GRID2: variants seen among roughly 807,000 people sequenced by gnomAD.
GRID2 encodes glutamate ionotropic receptor delta type subunit 2, also known as glutamate receptor ionotropic, delta-2.
GRID2 carries 33 observed loss-of-function variants against 114.8 expected under a neutral mutation model. The ratio of observed to expected loss-of-function variants is 0.29; its 90% CI spans 0.22 to 0.38. The LOEUF (loss-of-function observed/expected upper bound fraction) is 0.38, where lower values mean the gene tolerates loss of function less well. Among genes scored for constraint, GRID2 ranks in the 10% least tolerant of loss-of-function variants. The pLI is 1.00. For synonymous variants in GRID2, 505 were observed against 449.9 expected (o/e 1.12, Z -1.55); for missense variants, 1,184 against 1,257.7 (o/e 0.94, Z 0.89).
intron 2 of GRID2, among the ~76,000 whole-genome samples, chr4:92,790,952 G>T (rs1739558813): frequency 6.6e-6 from 1 of 151,668 alleles, no homozygotes; most frequent in African/African-American, 2.4e-5. Context: ...GTTACCTTCG[G>T]CAAGTTTATT....
chr4:93,189,215 G>T (rs988606493), intron 4 of GRID2, among the ~76,000 whole-genome samples: 5 of 152,118 alleles, frequency 3.3e-5, no homozygotes, highest in Non-Finnish European at 7.3e-5. Flanking sequence ...AGATACTTTA[G>T]AATGGGTAAT....
intron 1 of GRID2, among the ~76,000 whole-genome samples, chr4:92,498,365 A>G (rs1723497271): frequency 6.6e-6 from 1 of 151,928 alleles, no homozygotes. Context: ...AACTTTGTGC[A>G]GTAAGAGCAT....
chr4:93,758,021 A>G (rs1362367003), intron 14 of GRID2, among the ~76,000 whole-genome samples: 1 of 152,206 alleles, frequency 6.6e-6, no homozygotes, highest in African/African-American at 2.4e-5. Flanking sequence ...CATGATGGAA[A>G]GAAGTTTGCA....
chr4:93,382,310 G>C (rs1763928658), intron 8 of GRID2, among the ~76,000 whole-genome samples: 1 of 151,858 alleles, frequency 6.6e-6, no homozygotes, highest in African/African-American at 2.4e-5. Context: ...GGCCATTATG[G>C]CTTCAAATAT....
chr4:93,420,533 G>A (rs1408927922), intron 9 of GRID2, among the ~76,000 whole-genome samples: 1 of 151,938 alleles, frequency 6.6e-6, no homozygotes, highest in East Asian at 1.9e-4. Flanking sequence ...TTAAAGGTTT[G>A]CTTGTTCACT....
At chr4:92,864,961 G>A (rs765772660) in intron 2 of GRID2, among the ~76,000 whole-genome samples, 8 of 151,992 alleles carry the variant, frequency 5.3e-5, no homozygotes, top group Non-Finnish European at 8.8e-5. Context: ...AGATTTTTTT[G>A]TTCTTGCTGT....
intron 2 of GRID2, among the ~76,000 whole-genome samples, chr4:92,865,624 G>A (rs6532382): frequency 0.38 from 57,858 of 152,002 alleles, 11,429 homozygotes; most frequent in Admixed American, 0.52. Flanking sequence ...TCTAGATGAA[G>A]TATGTTGTGA....
chr4:92,647,070 A>T (rs1438296320), intron 2 of GRID2, among the ~76,000 whole-genome samples: 2 of 152,332 alleles, frequency 1.3e-5, no homozygotes, highest in Admixed American at 1.3e-4. Flanking sequence ...TTAGAGTGGG[A>T]CTGAGAGGCA....
intron 2 of GRID2, among the ~76,000 whole-genome samples, chr4:92,636,397 G>T (rs1232802352): frequency 6.6e-6 from 1 of 151,934 alleles, no homozygotes; most frequent in Non-Finnish European, 1.5e-5. Context: ...AAAATTCTCA[G>T]ATATTTTATT....
chr4:93,453,430 C>T (rs566690500), intron 10 of GRID2, among the ~76,000 whole-genome samples: 108 of 151,738 alleles, frequency 7.1e-4, no homozygotes, highest in Non-Finnish European at 1.1e-3. Flanking sequence ...CTAGAAATTT[C>T]TCCTTGAAAA....
chr4:92,436,776 A>T (rs1424635258), intron 1 of GRID2, among the ~76,000 whole-genome samples: 2 of 152,164 alleles, frequency 1.3e-5, no homozygotes, highest in Non-Finnish European at 2.9e-5. Flanking sequence ...AGACAAAGGA[A>T]AACAATCTCC....
chr4:93,283,296 A>C (rs1488993540), intron 8 of GRID2, among the ~76,000 whole-genome samples: 1 of 152,074 alleles, frequency 6.6e-6, no homozygotes, highest in African/African-American at 2.4e-5. Context: ...ACAGCCACTG[A>C]TGTCAATTTT....
At chr4:92,945,838 G>T (rs1334322265) in intron 2 of GRID2, among the ~76,000 whole-genome samples, 1 of 151,754 alleles carries the variant, frequency 6.6e-6, no homozygotes, top group Non-Finnish European at 1.5e-5. Flanking sequence ...TGATTTTTCA[G>T]GTCTGCCTCC....
chr4:93,284,856 A>G (rs959062908), intron 8 of GRID2, among the ~76,000 whole-genome samples: 4 of 152,068 alleles, frequency 2.6e-5, no homozygotes, highest in African/African-American at 4.8e-5. Context: ...TTCCTTCAAA[A>G]TAAATCAGTC....
chr4:93,193,583 A>G (rs1372252930), intron 4 of GRID2, among the ~76,000 whole-genome samples: 1 of 152,162 alleles, frequency 6.6e-6, no homozygotes, highest in Non-Finnish European at 1.5e-5. Flanking sequence ...CTGTGATTCA[A>G]TTAAACCTCT....
intron 2 of GRID2, among the ~76,000 whole-genome samples, chr4:92,667,697 G>C (rs1019400008): frequency 4.6e-5 from 7 of 151,038 alleles, no homozygotes; most frequent in East Asian, 1.9e-4. Context: ...GACAAATCTA[G>C]AAAATTAAAA....
chr4:92,772,084 G>A (rs1738572213), intron 2 of GRID2, among the ~76,000 whole-genome samples: 1 of 152,122 alleles, frequency 6.6e-6, no homozygotes, highest in Admixed American at 6.6e-5. Flanking sequence ...TCATGGCCAG[G>A]TTTTCAAATA....
At position 93,206,122 on chromosome 4, in the gene GRID2, T is replaced by G. The variant is rs80319927; in HGVS notation, c.736-1282T>G. Among the ~76,000 whole-genome samples, 395 of 152,070 alleles carry G rather than the reference T, an allele frequency of 2.6e-3. 2 individuals are homozygous for G. Among genetic ancestry groups the G allele is most frequent in the African/African-American group, 9.2e-3 (381 of 41,508 alleles). Reference sequence around the variant, plus strand: ...AATAATAATAAAGCTTAGAAGTAGATAACATATCCTCAATTATCTGATCAT... The same window carrying G: ...AATAATAATAAAGCTTAGAAGTAGAGAACATATCCTCAATTATCTGATCAT... On this transcript the variant is annotated intron_variant, in intron 4 of 15. Coordinates refer to ENST00000282020, the MANE Select transcript of GRID2 (RefSeq NM_001510.4).
chr4:92,581,435 C>T (rs1002964348), intron 1 of GRID2, among the ~76,000 whole-genome samples: 1 of 152,050 alleles, frequency 6.6e-6, no homozygotes, highest in Admixed American at 6.6e-5. Context: ...ATTTCCTTTT[C>T]TCCCACATAC....
Sources: gnomAD v4.1 joint callset for allele counts (sites outside exome capture counted in the v4.1 genomes callset) on GRCh38, gnomAD v4.1.1 for gene constraint, MANE v1.5 for transcripts, NCBI Gene and HGNC (gene_info 2026-07-23, HGNC 2026-07-21) for gene names.